CACNA2D2: variants seen among roughly 807,000 people sequenced by gnomAD.
CACNA2D2 encodes voltage-dependent calcium channel subunit alpha-2/delta-2.
CACNA2D2 carries 48 observed loss-of-function variants against 166.4 expected under a neutral mutation model. The ratio of observed to expected loss-of-function variants is 0.29; its 90% CI spans 0.23 to 0.37. CACNA2D2 has a LOEUF of 0.37. Ranked by LOEUF, CACNA2D2 falls within the 10% of genes least tolerant of loss-of-function variation. The pLI is 1.00. For missense variants in CACNA2D2, 1,122 were observed against 1,433.0 expected (o/e 0.78, Z 3.50); for synonymous variants, 561 against 573.7 (o/e 0.98, Z 0.32).
Position 50,377,548 on chromosome 3 carries a change from G to A in CACNA2D2, c.1552-7C>T, listed in dbSNP as rs767292142. On this transcript the variant is annotated splice_region_variant and splice_polypyrimidine_tract_variant and intron_variant, in intron 16 of 37. Transcript: ENST00000424201. Reference sequence around the variant, plus strand: ...CGCCCAGGATCAGCTGGTTCTGGGAGCAGAAGCATGGGGGGCTCCTCAGTG... The same window carrying A: ...CGCCCAGGATCAGCTGGTTCTGGGAACAGAAGCATGGGGGGCTCCTCAGTG... 9.9e-6 allele frequency: 16 copies of A among 1,613,042 alleles called. No homozygotes were observed. In the South Asian group the frequency reaches 1.4e-4, roughly 14 times the overall value.
chr3:50,497,567 A>C (rs1698774126), intron 1 of CACNA2D2, among the ~76,000 whole-genome samples: 1 of 152,214 alleles, frequency 6.6e-6, no homozygotes, highest in Non-Finnish European at 1.5e-5. Flanking sequence ...CGGGACCAGG[A>C]CCGGGGACAC....
At chr3:50,420,542 C>A (rs1281694387) in intron 3 of CACNA2D2, among the ~76,000 whole-genome samples, 3 of 152,226 alleles carry the variant, frequency 2.0e-5, no homozygotes, top group Non-Finnish European at 4.4e-5. Flanking sequence ...CACTGCGGGG[C>A]TGTATACATA....
At chr3:50,374,871 C>G (rs1704890760) in intron 21 of CACNA2D2, 58 bp from the exon 22 acceptor site, 5 of 1,382,430 alleles carry the variant, frequency 3.6e-6, no homozygotes, top group South Asian at 1.2e-5. Context: ...CTGGCACCCC[C>G]TCCCCATGGC....
At chr3:50,485,297 G>A (rs937153997) in intron 1 of CACNA2D2, among the ~76,000 whole-genome samples, 10 of 152,258 alleles carry the variant, frequency 6.6e-5, no homozygotes, top group Admixed American at 1.3e-4. Context: ...TGGGCTCTGC[G>A]CAGGCTCACT....
chr3:50,456,740 G>A (rs2106984600), intron 2 of CACNA2D2, among the ~76,000 whole-genome samples: 1 of 152,310 alleles, frequency 6.6e-6, no homozygotes, highest in South Asian at 2.1e-4. Flanking sequence ...CACGGATAGT[G>A]TCCTGTTCCA....
intron 2 of CACNA2D2, among the ~76,000 whole-genome samples, chr3:50,462,353 A>C (rs1436227752): frequency 6.6e-6 from 1 of 150,834 alleles, no homozygotes; most frequent in African/African-American, 2.4e-5. Flanking sequence ...GTGCCACTGC[A>C]CTCCAGCCTG....
Position 50,365,684 on chromosome 3 carries a change from G to C in CACNA2D2, c.2920C>G (p.Leu974Val). 1 of 1,588,440 alleles carries C rather than the reference G, an allele frequency of 6.3e-7. No individual in the cohort carries two copies. Among genetic ancestry groups the C allele is most frequent in the Non-Finnish European group, 8.6e-7 (1 of 1,167,788 alleles). Residue 974 changes from leucine to valine, a missense_variant, in exon 34 of 38, where the codon CTG (leucine) becomes GTG (valine). Physicochemically the swap from Leu to Val is conservative, Grantham distance 32 (BLOSUM62 1). Transcript: ENST00000424201. The surrounding 1 kb of genome is among the most constrained non-coding windows in gnomAD (Gnocchi z 4.5). The stretch of plus-strand genomic sequence containing the variant: ...AGGCCGTAGAGAAGCTGCTGGAACA[G>C]GGACCTGCAGCGCACGGGGAGCCGA... ...AWWTSAAAWS[L>V]FQQLLYGLIY...
In CACNA2D2 at chr3:50,503,202, G is replaced by C. The variant is rs1699057573; in HGVS notation, c.206+16C>G. On this transcript the variant is annotated intron_variant, in intron 1 of 37. Coordinates refer to ENST00000424201, the MANE Select transcript of CACNA2D2 (RefSeq NM_006030.4). ...AAGGCTCGGCCGGGGTCTCGCGGCC[G>C]GCCGAGGCCACTTACGTGTGCTGCT... 1.7e-6 allele frequency: 2 copies of C among 1,184,426 alleles called. No homozygotes were observed. Among genetic ancestry groups the C allele is most frequent in the Non-Finnish European group, 1.0e-6 (1 of 956,180 alleles). 73.4% of individuals were successfully genotyped at this position (1,184,426 alleles called of 1,614,324 possible).
chr3:50,371,745 T>C (rs1704664613), intron 22 of CACNA2D2, among the ~76,000 whole-genome samples: 1 of 149,232 alleles, frequency 6.7e-6, no homozygotes, highest in Non-Finnish European at 1.5e-5. Context: ...CACAAGCCGA[T>C]GGGGAAGGGG....
intron 2 of CACNA2D2, among the ~76,000 whole-genome samples, chr3:50,440,501 T>C (rs1019854429): frequency 8.5e-5 from 13 of 152,276 alleles, no homozygotes; most frequent in Admixed American, 3.9e-4. Flanking sequence ...GTGATGTTAG[T>C]TGTCCCATTA....
chr3:50,389,383 G>A (rs1705777337), intron 4 of CACNA2D2, among the ~76,000 whole-genome samples: 1 of 152,206 alleles, frequency 6.6e-6, no homozygotes, highest in African/African-American at 2.4e-5. Flanking sequence ...TCTAAAAGGG[G>A]GTTATAAACA....
At chr3:50,439,198 G>A (rs1311790068) in intron 2 of CACNA2D2, among the ~76,000 whole-genome samples, 1 of 152,212 alleles carries the variant, frequency 6.6e-6, no homozygotes, top group Non-Finnish European at 1.5e-5. Context: ...TGAAGGGCTT[G>A]GGGCGGATGC....
intron 1 of CACNA2D2, among the ~76,000 whole-genome samples, chr3:50,497,505 G>A (rs191670849): frequency 6.6e-6 from 1 of 152,324 alleles, no homozygotes; most frequent in Admixed American, 6.5e-5. Context: ...GACCCAGCAG[G>A]TCCAGACCAG....
At chr3:50,442,593 C>A (rs978849372) in intron 2 of CACNA2D2, among the ~76,000 whole-genome samples, 1 of 152,152 alleles carries the variant, frequency 6.6e-6, no homozygotes, top group African/African-American at 2.4e-5. Context: ...GGCACTCAGA[C>A]AAGGTATTCA....
At chr3:50,470,791 CAG>C (rs1710048984) in intron 2 of CACNA2D2, among the ~76,000 whole-genome samples, 1 of 151,860 alleles carries the variant, frequency 6.6e-6, no homozygotes, top group Non-Finnish European at 1.5e-5. Flanking sequence ...GGGGGGGACA[CAG>C]AGGGGGTCTA....
intron 2 of CACNA2D2, among the ~76,000 whole-genome samples, chr3:50,451,426 C>G (rs1241760890): frequency 2.6e-5 from 4 of 152,274 alleles, no homozygotes; most frequent in South Asian, 2.1e-4. Flanking sequence ...ACGCACGGCC[C>G]AGGGGCTGTT....
rs144825685 is a variant in CACNA2D2, at chr3:50,487,323, G to A, written c.207-11124C>T. On this transcript the variant is annotated intron_variant, in intron 1 of 37. Coordinates refer to ENST00000424201, the MANE Select transcript of CACNA2D2 (RefSeq NM_006030.4). ...CTCCACAAGCAAGCCAAAGCTGAGT[G>A]CAATGGGGAAGTCCTTCCTTATACC... 2.4e-4 allele frequency among the ~76,000 whole-genome samples: 37 copies of A among 152,352 alleles called. No homozygotes were observed. In the East Asian group the frequency reaches 5.8e-3, roughly 24 times the overall value.
intron 2 of CACNA2D2, among the ~76,000 whole-genome samples, chr3:50,439,503 A>T (rs1708491414): frequency 6.6e-6 from 1 of 152,158 alleles, no homozygotes; most frequent in Admixed American, 6.5e-5. Context: ...GTGCTCCAGC[A>T]CCCCTGGCCT....
intron 1 of CACNA2D2, 134 bp downstream of exon 1, chr3:50,503,084 C>G: frequency 2.5e-6 from 1 of 406,752 alleles, no homozygotes; most frequent in Non-Finnish European, 3.8e-6. Context: ...GGGGCCGTCG[C>G]CCCCGGGCGC....
Sources: gnomAD v4.1 joint callset for allele counts (sites outside exome capture counted in the v4.1 genomes callset) on GRCh38, gnomAD v4.1.1 for gene constraint, Gnocchi (gnomAD v3.1) non-coding constraint, MANE v1.5 for transcripts, NCBI Gene and HGNC (gene_info 2026-07-23, HGNC 2026-07-21) for gene names.